FOXP2: variants seen among roughly 807,000 people sequenced by gnomAD.
FOXP2 encodes the protein forkhead box P2, also known as forkhead box protein P2.
FOXP2 carries 12 observed loss-of-function variants against 115.8 expected under a neutral mutation model. The observed-to-expected ratio is 0.10, with a 90% CI of 0.07 to 0.17. The LOEUF is 0.17. FOXP2 is among the 10% of genes least tolerant of loss of function. The probability of loss-of-function intolerance (pLI) is 1.00; values close to 1 mark genes in which losing one functional copy is unlikely to be tolerated. For synonymous variants in FOXP2, 328 were observed against 297.7 expected (o/e 1.10, Z -1.05); for missense variants, 629 against 843.5 (o/e 0.75, Z 3.15).
intron 2 of FOXP2, among the ~76,000 whole-genome samples, chr7:114,526,209 T>G (rs1798853292): frequency 1.5e-5 from 2 of 137,054 alleles, no homozygotes; most frequent in African/African-American, 5.5e-5. Context: ...CCGGACGCAG[T>G]GGCTCACGCC....
At chr7:114,455,964 C>A (rs1795296594) in intron 2 of FOXP2, among the ~76,000 whole-genome samples, 1 of 152,016 alleles carries the variant, frequency 6.6e-6, no homozygotes, top group Non-Finnish European at 1.5e-5. Flanking sequence ...TGTGTTCTGC[C>A]CATGTTCTGC....
intron 1 of FOXP2, among the ~76,000 whole-genome samples, chr7:114,212,126 T>TAAA (rs1242413835): frequency 1.8e-5 from 2 of 110,900 alleles, no homozygotes; most frequent in African/African-American, 2.9e-5. Flanking sequence ...AAATAAAATA[T>TAAA]ATATATATAT....
At chr7:114,261,901 T>C (rs1455643455) in intron 1 of FOXP2, among the ~76,000 whole-genome samples, 3 of 151,094 alleles carry the variant, frequency 2.0e-5, no homozygotes, top group South Asian at 2.1e-4. Context: ...TCTATAAAAA[T>C]ACAAAAATTA....
chr7:114,494,104 G>T (rs1459069434), intron 2 of FOXP2, among the ~76,000 whole-genome samples: 1 of 151,854 alleles, frequency 6.6e-6, no homozygotes, highest in Non-Finnish European at 1.5e-5. Flanking sequence ...TTTTTTAAAT[G>T]TCAAGAGATA....
intron 2 of FOXP2, among the ~76,000 whole-genome samples, chr7:114,384,780 C>G (rs185949116): frequency 6.6e-6 from 1 of 151,030 alleles, no homozygotes; most frequent in Non-Finnish European, 1.5e-5. Context: ...TGGTGAGGTG[C>G]GCTCACAACG....
intron 2 of FOXP2, among the ~76,000 whole-genome samples, chr7:114,445,865 C>G (rs1794812592): frequency 6.6e-6 from 1 of 152,080 alleles, no homozygotes; most frequent in African/African-American, 2.4e-5. Context: ...GCATGATACT[C>G]TATCAAGATG....
chr7:114,436,871 C>T (rs1156911197), intron 2 of FOXP2, among the ~76,000 whole-genome samples: 1 of 152,088 alleles, frequency 6.6e-6, no homozygotes, highest in East Asian at 1.9e-4. Flanking sequence ...CATTTCCTTA[C>T]TCTGGCTTAT....
chr7:114,496,667 T>C (rs1797334279), intron 2 of FOXP2, among the ~76,000 whole-genome samples: 1 of 152,164 alleles, frequency 6.6e-6, no homozygotes, highest in South Asian at 2.1e-4. Context: ...AACTAGTTCC[T>C]ACCCACAACT....
intron 2 of FOXP2, among the ~76,000 whole-genome samples, chr7:114,453,522 T>C (rs1795156076): frequency 2.6e-5 from 4 of 152,114 alleles, no homozygotes; most frequent in Non-Finnish European, 5.9e-5. Context: ...TCAGCAAACA[T>C]TGACTGAGGA....
At chr7:114,201,872 C>A (rs895840183) in intron 1 of FOXP2, among the ~76,000 whole-genome samples, 7 of 152,304 alleles carry the variant, frequency 4.6e-5, no homozygotes, top group African/African-American at 1.4e-4. Context: ...CTACTTGATA[C>A]TACCCTTAAG....
chr7:114,290,861 T>C (rs900132040), intron 2 of FOXP2, among the ~76,000 whole-genome samples: 1 of 152,124 alleles, frequency 6.6e-6, no homozygotes, highest in Non-Finnish European at 1.5e-5. Context: ...TCGTATTTAA[T>C]ACAGTTGAAT....
At chr7:114,408,513 G>A (rs1465762095) in intron 2 of FOXP2, among the ~76,000 whole-genome samples, 1 of 152,108 alleles carries the variant, frequency 6.6e-6, no homozygotes, top group Non-Finnish European at 1.5e-5. Flanking sequence ...GATCATTTGA[G>A]GTCAGGAGTT....
chr7:114,635,186 G>C (rs759604825), intron 6 of FOXP2, among the ~76,000 whole-genome samples: 3 of 152,112 alleles, frequency 2.0e-5, no homozygotes, highest in Non-Finnish European at 4.4e-5. Flanking sequence ...GTCTTTGGGC[G>C]CAATATTCAG....
chr7:114,454,986 A>T (rs1464653775), intron 2 of FOXP2, among the ~76,000 whole-genome samples: 1 of 149,266 alleles, frequency 6.7e-6, no homozygotes, highest in Non-Finnish European at 1.5e-5. Flanking sequence ...AACCTGCACA[A>T]TGTGCACATG....
At chr7:114,191,150 T>G (rs1793751188) in intron 1 of FOXP2, among the ~76,000 whole-genome samples, 1 of 152,210 alleles carries the variant, frequency 6.6e-6, no homozygotes, top group South Asian at 2.1e-4. Context: ...TCTTGAACTT[T>G]CTATCCCTGT....
chr7:114,522,749 G>A (rs563224775), intron 2 of FOXP2, among the ~76,000 whole-genome samples: 7 of 152,040 alleles, frequency 4.6e-5, no homozygotes, highest in South Asian at 2.1e-4. Context: ...AAGAACACTC[G>A]TATCACATTA....
At chr7:114,137,569 T>C (rs1225373508) in intron 1 of FOXP2, among the ~76,000 whole-genome samples, 1 of 152,174 alleles carries the variant, frequency 6.6e-6, no homozygotes, top group African/African-American at 2.4e-5. Flanking sequence ...AATTTAATTC[T>C]ATTTAAGTTA....
intron 2 of FOXP2, among the ~76,000 whole-genome samples, chr7:114,512,933 T>C (rs1250316833): frequency 1.3e-5 from 2 of 151,926 alleles, no homozygotes; most frequent in African/African-American, 4.8e-5. Flanking sequence ...AATACAAAAA[T>C]TAGCTGGGAG....
intron 1 of FOXP2, among the ~76,000 whole-genome samples, chr7:114,248,171 G>C (rs1795336818): frequency 7.5e-6 from 1 of 132,774 alleles, no homozygotes; most frequent in African/African-American, 2.9e-5. Flanking sequence ...CAGTGTCCCA[G>C]CTTAAAAACA....
Sources: allele counts gnomAD v4.1 joint callset (sites outside exome capture counted in the v4.1 genomes callset), GRCh38; gene constraint gnomAD v4.1.1; transcripts MANE v1.5; gene names NCBI Gene and HGNC (gene_info 2026-07-23, HGNC 2026-07-21).